TENM1: variants seen among roughly 807,000 people sequenced by gnomAD.
TENM1 encodes teneurin-1.
In TENM1, 35 loss-of-function variants were observed where a neutral mutation model predicts 174.8. The observed-to-expected ratio is 0.20, with a 90% CI of 0.15 to 0.27. TENM1 has a LOEUF of 0.27. Ranked by LOEUF, TENM1 falls within the 10% of genes least tolerant of loss-of-function variation. The probability of loss-of-function intolerance (pLI) is 1.00; values close to 1 mark genes in which losing one functional copy is unlikely to be tolerated. For synonymous variants in TENM1, 781 were observed against 798.7 expected (o/e 0.98, Z 0.37); for missense variants, 1,633 against 2,130.1 (o/e 0.77, Z 4.59).
intron 15 of TENM1, among the ~76,000 whole-genome samples, chrX:124,538,351 G>T (rs901817961): frequency 9.0e-6 from 1 of 111,273 alleles, no homozygotes. Flanking sequence ...GAAAAGCAAC[G>T]GGGACAGACA....
intron 11 of TENM1, among the ~76,000 whole-genome samples, chrX:124,574,609 A>G (rs1048756768): frequency 9.0e-6 from 1 of 111,348 alleles, no homozygotes; most frequent in Admixed American, 9.6e-5. Flanking sequence ...CAGAGAATGA[A>G]TGAGCCTGAA....
chrX:124,671,821 C>T (rs1223796826), exon 6 of TENM1: 12 of 1,209,026 alleles, frequency 9.9e-6, no homozygotes, highest in South Asian at 1.8e-5. Context: ...CAAGTCAGGC[C>T]GAACAAATGC....
intron 1 of TENM1, among the ~76,000 whole-genome samples, chrX:124,944,942 T>C (rs1471815258): frequency 1.8e-5 from 2 of 110,893 alleles, no homozygotes; most frequent in Non-Finnish European, 3.8e-5. Flanking sequence ...TTTATATGTG[T>C]GGTCTTAGTG....
At chrX:124,437,506 C>T (rs375886163) in intron 23 of TENM1, among the ~76,000 whole-genome samples, 1 of 111,070 alleles carries the variant, frequency 9.0e-6, no homozygotes, top group East Asian at 2.8e-4. Flanking sequence ...TGTCATTATT[C>T]TCTAGAAACT....
chrX:124,928,282 T>TA (rs1252480034), intron 1 of TENM1, among the ~76,000 whole-genome samples: 1 of 112,366 alleles, frequency 8.9e-6, no homozygotes, highest in Non-Finnish European at 1.9e-5. Flanking sequence ...TGCTTATTTT[T>TA]ACCTCTTACT....
chrX:124,994,948 C>T, the TENM1 span, among the ~76,000 whole-genome samples: 1 of 111,123 alleles, frequency 9.0e-6, no homozygotes, highest in Non-Finnish European at 1.9e-5. Context: ...TTTTAATGTT[C>T]GTAAAGGCCC....
intron 22 of TENM1, among the ~76,000 whole-genome samples, chrX:124,473,867 G>A: frequency 8.9e-6 from 1 of 112,023 alleles, no homozygotes; most frequent in Admixed American, 9.5e-5. Context: ...TTGTGAAATA[G>A]TACGCTGCTA....
At chrX:124,990,528 G>A in the TENM1 span, among the ~76,000 whole-genome samples, 2 of 112,505 alleles carry the variant, frequency 1.8e-5, no homozygotes, top group Non-Finnish European at 3.8e-5. Flanking sequence ...CACATAGGTG[G>A]AGTAGGCAGG....
intron 27 of TENM1, among the ~76,000 whole-genome samples, chrX:124,401,298 C>T (rs2060397107): frequency 8.9e-6 from 1 of 111,847 alleles, no homozygotes; most frequent in Non-Finnish European, 1.9e-5. Context: ...TGTCCTTGAA[C>T]AATTAGTGCT....
chrX:124,983,943 G>A, the TENM1 span, among the ~76,000 whole-genome samples: 1 of 111,368 alleles, frequency 9.0e-6, no homozygotes, highest in East Asian at 2.8e-4. Flanking sequence ...TTGAAGGACA[G>A]ATATATAATC....
chrX:124,431,424 T>A (rs1232863250), intron 23 of TENM1, among the ~76,000 whole-genome samples: 5 of 112,147 alleles, frequency 4.5e-5, no homozygotes, highest in African/African-American at 1.6e-4. Context: ...TTATCTCTTC[T>A]GTAGTATGCC....
intron 4 of TENM1, among the ~76,000 whole-genome samples, chrX:124,727,484 A>G (rs892092173): frequency 2.6e-4 from 29 of 111,766 alleles, no homozygotes; most frequent in African/African-American, 7.5e-4. Flanking sequence ...GTAAACAAAA[A>G]TGGCTGCAAT....
chrX:125,160,691 G>A, the TENM1 span, among the ~76,000 whole-genome samples: 5 of 108,890 alleles, frequency 4.6e-5, no homozygotes, highest in Non-Finnish European at 9.5e-5. Context: ...AGATATCCTC[G>A]CTCCTCCACT....
At chrX:125,041,741 A>G in the TENM1 span, among the ~76,000 whole-genome samples, 1 of 111,882 alleles carries the variant, frequency 8.9e-6, no homozygotes, top group Non-Finnish European at 1.9e-5. Context: ...ATCACAAACC[A>G]TAACCAAAAT....
At chrX:124,605,827 T>C (rs2050142306) in intron 11 of TENM1, among the ~76,000 whole-genome samples, 1 of 111,946 alleles carries the variant, frequency 8.9e-6, no homozygotes, top group Non-Finnish European at 1.9e-5. Flanking sequence ...AGCATACATA[T>C]TTTTGTCATC....
At chrX:124,564,424 G>C (rs1487943003) in intron 12 of TENM1, among the ~76,000 whole-genome samples, 1 of 111,724 alleles carries the variant, frequency 9.0e-6, no homozygotes, top group Non-Finnish European at 1.9e-5. Flanking sequence ...CTGTAGTATA[G>C]TCTAGTGAGG....
At chrX:125,136,437 G>C in the TENM1 span, among the ~76,000 whole-genome samples, 2 of 111,699 alleles carry the variant, frequency 1.8e-5, no homozygotes, top group Non-Finnish European at 3.8e-5. Context: ...TTTATTAAGT[G>C]AGTTCTATTA....
intron 14 of TENM1, among the ~76,000 whole-genome samples, chrX:124,554,913 A>G (rs1569304973): frequency 8.9e-6 from 1 of 112,175 alleles, no homozygotes; most frequent in Non-Finnish European, 1.9e-5. Flanking sequence ...ATGAATATAG[A>G]CCACTGGAAG....
chrX:124,923,453 T>C (rs1015091265), intron 1 of TENM1, among the ~76,000 whole-genome samples: 1 of 112,298 alleles, frequency 8.9e-6, no homozygotes, highest in Non-Finnish European at 1.9e-5. Context: ...ATTTCCATTA[T>C]TGTAACAAAC....
Sources: allele counts gnomAD v4.1 joint callset (sites outside exome capture counted in the v4.1 genomes callset), GRCh38; gene constraint gnomAD v4.1.1; transcripts MANE v1.5; gene names NCBI Gene and HGNC (gene_info 2026-07-23, HGNC 2026-07-21).